Variants in CLSPN observed in about 807,000 individuals in gnomAD.
The protein encoded by CLSPN is claspin.
In CLSPN, 85 loss-of-function variants were observed where a neutral mutation model predicts 156.3. The ratio of observed to expected loss-of-function variants is 0.54; its 90% CI spans 0.46 to 0.65. CLSPN has a LOEUF of 0.65. Ranked by LOEUF, CLSPN falls within the 30% of genes least tolerant of loss-of-function variation. The pLI, the probability that CLSPN is intolerant of heterozygous loss-of-function variation, is 0.00. For missense variants in CLSPN, 1,407 were observed against 1,554.9 expected (o/e 0.90, Z 1.60); for synonymous variants, 534 against 542.4 (o/e 0.98, Z 0.22).
At position 35,738,113 on chromosome 1, in the gene CLSPN, A is replaced by AAAAT. The variant is rs1376351973; in HGVS notation, c.3559-17_3559-16insATTT. 5 of 362,886 alleles carry AAAAT rather than the reference A, an allele frequency of 1.4e-5. No homozygotes were observed. In the African/African-American group the frequency reaches 1.9e-4, roughly 14 times the overall value. The allele number at this position is 362,886 out of a possible 1,614,324, so 22.5% of individuals were successfully genotyped here. A position where few individuals can be genotyped will look rare whatever the true frequency, so the allele number is the denominator to read the frequency against. The stretch of plus-strand genomic sequence containing the variant: ...CCTGCTGTGCCTGAAAAAAAAAAAA[A>AAAAT]ATATATATATATATATATATATATA... On this transcript the variant is annotated splice_polypyrimidine_tract_variant and intron_variant, in intron 21 of 24. Coordinates refer to ENST00000318121, the MANE Select transcript of CLSPN (RefSeq NM_022111.4).
chr1:35,729,527 T>C (rs920985186), downstream of CLSPN, among the ~76,000 whole-genome samples: 6 of 152,128 alleles, frequency 3.9e-5, no homozygotes, highest in Admixed American at 1.3e-4. Context: ...AGGACGTGGA[T>C]GGTACAGACC....
chr1:35,761,687 TG>T (rs1642482454), intron 6 of CLSPN, among the ~76,000 whole-genome samples: 1 of 152,162 alleles, frequency 6.6e-6, no homozygotes, highest in Non-Finnish European at 1.5e-5. Context: ...GGACCATGGC[TG>T]ACACAGGTAA....
intron 6 of CLSPN, 71 bp from the exon 7 acceptor site, chr1:35,761,275 C>T (rs529890379): frequency 1.0e-6 from 1 of 962,778 alleles, no homozygotes; most frequent in East Asian, 2.5e-5. Flanking sequence ...ATTCAGTTAA[C>T]TAAACATAAT....
Position 35,735,625 on chromosome 1 carries a change from T to C in CLSPN, c.*871A>G. On this transcript the variant is annotated 3_prime_UTR_variant, in exon 25 of 25. Coordinates refer to ENST00000318121, the MANE Select transcript of CLSPN (RefSeq NM_022111.4). ...TGGGAGGCTGAGACAGGAGAATCACTTGAACCCGGGAGGCAGAGGTTGCCG... is the reference window on the plus strand; with the variant it reads ...TGGGAGGCTGAGACAGGAGAATCACCTGAACCCGGGAGGCAGAGGTTGCCG... 1 of 713,470 alleles carries C rather than the reference T, an allele frequency of 1.4e-6. No homozygotes were observed. The highest frequency in any genetic ancestry group is 1.7e-6 in the Non-Finnish European group (1 of 582,230). 44.2% of individuals were successfully genotyped at this position (713,470 alleles called of 1,614,324 possible).
chr1:35,730,545 G>A (rs1641287773), downstream of CLSPN, among the ~76,000 whole-genome samples: 1 of 143,022 alleles, frequency 7.0e-6, no homozygotes, highest in South Asian at 2.2e-4. Flanking sequence ...TCCAGCCTGG[G>A]TGACAGAGTA....
rs530850985 is a variant in CLSPN at position 35,762,135 on chromosome 1, C to T, written c.823-65G>A. The T allele has an allele frequency of 1.9e-5, 23 of 1,230,658 alleles. No homozygotes were observed. The East Asian group carries it at 3.3e-4, about 18-fold the overall frequency. The allele number at this position is 1,230,658 out of a possible 1,614,324, so 76.2% of individuals were successfully genotyped here. ...AATATCCAGAAAGATAGATATTCATCACTCAAGAGTTTGCTCTCTCCAAGA... is the reference window on the plus strand; with the variant it reads ...AATATCCAGAAAGATAGATATTCATTACTCAAGAGTTTGCTCTCTCCAAGA... On this transcript the variant is annotated intron_variant, in intron 5 of 24. Transcript: ENST00000318121.
In CLSPN at chr1:35,751,292, C is replaced by T. The variant is rs1233006092; in HGVS notation, c.1986G>A (p.Glu662=). Reference sequence around the variant, plus strand: ...CTTCCTCCTCCTCTTCTTTCTCCTCCTCTTCCTCTAGTTCTTCCTCTTTCT... The same window carrying T: ...CTTCCTCCTCCTCTTCTTTCTCCTCTTCTTCCTCTAGTTCTTCCTCTTTCT... ...KEEKEEELEE[E]EEKEEEEEEE... is the part of the protein sequence containing the mutation. Residue 662 remains glutamate (E), a synonymous_variant, in exon 10 of 25, where the codon GAG becomes GAA. Coordinates refer to ENST00000318121, the MANE Select transcript of CLSPN (RefSeq NM_022111.4). 1 of 1,590,128 alleles carries T rather than the reference C, an allele frequency of 6.3e-7. No individual in the cohort carries two copies. The highest frequency in any genetic ancestry group is 1.3e-5 in the African/African-American group (1 of 74,682).
chr1:35,732,687 C>G lies in CLSPN; in HGVS notation c.*3809G>C. ...TCTCATCCCTCCAAATATGTAATTT[C>G]CAAGCTAGTGAAGCTGAGTCCTCCT... On this transcript the variant is annotated 3_prime_UTR_variant, in exon 25 of 25. Transcript: ENST00000318121. The G allele has an allele frequency of 1.0e-6, 1 of 985,416 alleles. No individual in the cohort carries two copies. The highest frequency in any genetic ancestry group is 1.7e-5 in the African/African-American group (1 of 57,356). 61.0% of individuals were successfully genotyped at this position (985,416 alleles called of 1,614,324 possible).
chr1:35,762,740 A>G lies in CLSPN; in HGVS notation c.745-259T>C, dbSNP rs531603147. 3.0e-4 allele frequency among the ~76,000 whole-genome samples: 45 copies of G among 152,310 alleles called. No homozygotes were observed. The South Asian group carries it at 6.6e-3, about 22-fold the overall frequency. ...GATAATAACTCGCAGGAAGCTAAAA[A>G]AAAATCTTAGGAAGAAAAATTATGC... On this transcript the variant is annotated intron_variant, in intron 4 of 24. Transcript: ENST00000318121.
intron 8 of CLSPN, among the ~76,000 whole-genome samples, 168 bp from the exon 9 acceptor site, chr1:35,754,104 T>G (rs1235125990): frequency 1.3e-5 from 2 of 152,162 alleles, no homozygotes; most frequent in African/African-American, 4.8e-5. Flanking sequence ...TCATACAACT[T>G]AACCCAAACT....
intron 24 of CLSPN, chr1:35,720,999 A>G (rs1641061516): frequency 1.3e-6 from 2 of 1,550,314 alleles, no homozygotes; most frequent in African/African-American, 2.7e-5. Context: ...AAATTAAAGG[A>G]AGACGAGGCA....
chr1:35,735,361 G>A lies in CLSPN; in HGVS notation c.*1135C>T, dbSNP rs1392715821. On this transcript the variant is annotated 3_prime_UTR_variant, in exon 25 of 25. Transcript: ENST00000318121. ...AAGAAGCATACAGGAAAATGAAAGGGGTAAGAGTAATACAGCAGCCCATCT... is the reference window on the plus strand; with the variant it reads ...AAGAAGCATACAGGAAAATGAAAGGAGTAAGAGTAATACAGCAGCCCATCT... 3 of 985,270 alleles carry A rather than the reference G, an allele frequency of 3.0e-6. No homozygotes were observed. In the African/African-American group the frequency reaches 5.2e-5, roughly 17 times the overall value. 61.0% of individuals were successfully genotyped at this position (985,270 alleles called of 1,614,324 possible). A position where few individuals can be genotyped will look rare whatever the true frequency, so the allele number is the denominator to read the frequency against.
chr1:35,740,205 A>G (rs1641644119), intron 18 of CLSPN, among the ~76,000 whole-genome samples: 1 of 152,172 alleles, frequency 6.6e-6, no homozygotes, highest in Admixed American at 6.5e-5. Context: ...CTTACAGCCT[A>G]ACAAATCTTG....
chr1:35,754,591 C>G (rs1642210861), intron 8 of CLSPN, among the ~76,000 whole-genome samples: 1 of 152,170 alleles, frequency 6.6e-6, no homozygotes, highest in African/African-American at 2.4e-5. Context: ...AAATGATCAG[C>G]CCACCTTGGC....
intron 14 of CLSPN, 59 bp from the exon 15 acceptor site, chr1:35,747,051 G>T: frequency 7.6e-7 from 1 of 1,307,194 alleles, no homozygotes; most frequent in Non-Finnish European, 1.1e-6. Context: ...GGCCGGGTGC[G>T]GTAGCTCACG....
Position 35,751,360 on chromosome 1 carries a change from C to T in CLSPN, c.1918G>A (p.Asp640Asn), listed in dbSNP as rs1187691783. The change falls in exon 10 of 25, where the codon GAT (aspartate) becomes AAT (asparagine). Residue 640 changes from aspartate (D) to asparagine (N), a missense_variant. This residue lies in a region of CLSPN where 1,096 missense variants were observed against 1,193.0 expected (regional missense o/e 0.92). Coordinates refer to ENST00000318121, the MANE Select transcript of CLSPN (RefSeq NM_022111.4). The part of the protein sequence containing the change: ...EEEEEEEEMT[D>N]ESEEDGEEKV... Reference sequence around the variant, plus strand: ...TCTTCTCCATCTTCCTCAGACTCATCTGTCATTTCTTCCTCTTCCTCCTCC... The same window carrying T: ...TCTTCTCCATCTTCCTCAGACTCATTTGTCATTTCTTCCTCTTCCTCCTCC... 1 of 1,605,016 alleles carries T rather than the reference C, an allele frequency of 6.2e-7. No individual in the cohort carries two copies. Among genetic ancestry groups the T allele is most frequent in the African/African-American group, 1.3e-5 (1 of 74,800 alleles).
chr1:35,768,380 AT>A (rs1403518591), intron 1 of CLSPN, among the ~76,000 whole-genome samples: 4 of 147,092 alleles, frequency 2.7e-5, no homozygotes, highest in Non-Finnish European at 6.1e-5. Flanking sequence ...AAAAAAAAAA[AT>A]TATTAAATTG....
In CLSPN at chr1:35,739,757, G is replaced by A. The variant is rs181828067; in HGVS notation, c.3144-228C>T. On this transcript the variant is annotated intron_variant, in intron 18 of 24. Transcript: ENST00000318121. ...GCACTTAGTATGCTTCTCGATTTAC[G>A]ATGGAGTTATATCTGGATAATATGA... 7.9e-5 allele frequency among the ~76,000 whole-genome samples: 12 copies of A among 152,208 alleles called. No homozygotes were observed. The East Asian group carries it at 2.1e-3, about 27-fold the overall frequency.
At position 35,764,343 on chromosome 1, in the gene CLSPN, A is replaced by AT; in HGVS notation, c.504dup (p.Ser169IlefsTer6). On this transcript the variant is annotated frameshift_variant, in exon 3 of 25. Coordinates refer to ENST00000318121, the MANE Select transcript of CLSPN (RefSeq NM_022111.4). LOFTEE classifies it high-confidence loss of function. The stretch of plus-strand genomic sequence containing the variant: ...TCCTCTTTCTCAAGTCTTCTTTTTG[A>AT]TTTTACTTTTGCTTTTCCTGCAGTT... The AT allele has an allele frequency of 6.3e-7, 1 of 1,599,446 alleles. No homozygotes were observed. Among genetic ancestry groups the AT allele is most frequent in the Non-Finnish European group, 8.5e-7 (1 of 1,175,810 alleles).
Sources: gnomAD v4.1 joint callset for allele counts (sites outside exome capture counted in the v4.1 genomes callset) on GRCh38, gnomAD v4.1.1 for gene constraint, gnomAD v4.1.1 regional missense constraint, MANE v1.5 for transcripts, NCBI Gene and HGNC (gene_info 2026-07-23, HGNC 2026-07-21) for gene names.